The following PNPLA7 variants were observed in gnomAD, a reference collection of about 807,000 sequenced individuals.
PNPLA7 encodes the protein patatin like domain 7, lysophospholipase.
In PNPLA7, 153 loss-of-function variants were observed where a neutral mutation model predicts 161.7. The observed-to-expected ratio is 0.95, with a 90% CI of 0.83 to 1.08. PNPLA7 has a LOEUF of 1.08. Among genes scored for constraint, PNPLA7 ranks in the 50% least tolerant of loss-of-function variants. The pLI, the probability that PNPLA7 is intolerant of heterozygous loss-of-function variation, is 0.00. For missense variants in PNPLA7, 1,739 were observed against 1,856.6 expected (o/e 0.94, Z 1.16); for synonymous variants, 809 against 782.1 (o/e 1.03, Z -0.57).
Position 137,537,004 on chromosome 9 carries a change from CAACA to C in PNPLA7, c.747+3634_747+3637del, listed in dbSNP as rs1835932205. On this transcript the variant is annotated intron_variant, in intron 8 of 34. Transcript: ENST00000406427. This position sits in a 1 kb window ranked among gnomAD's most constrained non-coding sequence, Gnocchi z 4.5. ...CCACCGAGCCACACTTCATCTCCCA[CAACA>C]GGAAGCATGGGGGCCATCCACCGAG... 2.7e-5 allele frequency among the ~76,000 whole-genome samples: 4 copies of C among 149,990 alleles called. No homozygotes were observed. The highest frequency in any genetic ancestry group is 3.9e-4 in the East Asian group (2 of 5,102).
Position 137,495,038 on chromosome 9 carries a change from G to T in PNPLA7, c.2122C>A (p.Pro708Thr), listed in dbSNP as rs757355201. The T allele has an allele frequency of 9.3e-6, 15 of 1,608,650 alleles. No homozygotes were observed. Among genetic ancestry groups the T allele is most frequent in the Non-Finnish European group, 1.2e-5 (14 of 1,178,062 alleles). The change falls in exon 19 of 35, where the codon CCA becomes ACA. Residue 708 changes from proline (P) to threonine (T), a missense_variant. By Grantham distance (38) the Pro-to-Thr change is conservative. Coordinates refer to ENST00000406427, the MANE Select transcript of PNPLA7 (RefSeq NM_001098537.3). ...CTCACCCACGCCATGCTCACCTGTG[G>T]GTACCTGCGCTTGATGGACGTGAGG... ...GALTSIKRRY[P>T]QVVTRLIHLL...
At chr9:137,497,117 A>C in intron 18 of PNPLA7, 70 bp downstream of exon 18, 2 of 1,384,718 alleles carry the variant, frequency 1.4e-6, no homozygotes, top group Middle Eastern at 2.7e-4. Context: ...GGCCACACCC[A>C]GGCCAGAACC....
At chr9:137,482,558 C>T (rs1033788536) in intron 21 of PNPLA7, among the ~76,000 whole-genome samples, 3 of 152,256 alleles carry the variant, frequency 2.0e-5, no homozygotes, top group African/African-American at 7.2e-5. Flanking sequence ...AGATCCAGGG[C>T]TGCCGGCAAG....
chr9:137,477,964 C>T lies in PNPLA7; in HGVS notation c.2882+70G>A. The T allele has an allele frequency of 7.4e-6, 9 of 1,215,178 alleles. 1 individual carries two copies. The South Asian group carries it at 2.9e-4, about 39-fold the overall frequency. The allele number at this position is 1,215,178 out of a possible 1,614,324, so 75.3% of individuals were successfully genotyped here. On this transcript the variant is annotated intron_variant, in intron 25 of 34. Coordinates refer to ENST00000406427, the MANE Select transcript of PNPLA7 (RefSeq NM_001098537.3). ...CCCCTGTCCCCCGCACCCAGCACCT[C>T]CTAGCACCCGAGGGGGCGACTGTCA...
intron 10 of PNPLA7, among the ~76,000 whole-genome samples, chr9:137,521,169 C>A (rs371900065): frequency 4.6e-5 from 7 of 152,308 alleles, no homozygotes; most frequent in African/African-American, 1.7e-4. Context: ...CTGGACAGGG[C>A]TGTCAGCTCA....
chr9:137,460,501 G>A lies in PNPLA7; in HGVS notation c.3946-25C>T. On this transcript the variant is annotated intron_variant, in intron 34 of 34. Transcript: ENST00000406427. The stretch of plus-strand genomic sequence containing the variant: ...CCTGCAAGCAGACCGCATGTTCCAG[G>A]TGAGGACCAGGCAGGGCAGGGGCTC... The A allele has an allele frequency of 1.9e-6, 3 of 1,611,314 alleles. No individual in the cohort carries two copies. In the South Asian group the frequency reaches 3.3e-5, roughly 18 times the overall value.
At chr9:137,461,155 G>C (rs1386407690) in intron 33 of PNPLA7, 1 of 330,742 alleles carries the variant, frequency 3.0e-6, no homozygotes, top group Non-Finnish European at 5.7e-6. Context: ...CCCAAGCGCA[G>C]GGCCCTGGAT....
rs574912590 is a variant in PNPLA7, at chr9:137,519,859, G to A, written c.1084+58C>T. The A allele has an allele frequency of 5.7e-6, 9 of 1,567,320 alleles. No homozygotes were observed. The South Asian group carries it at 9.4e-5, about 16-fold the overall frequency. ...GACCTGGGGTGACCTGAGGCAGTGG[G>A]AGCAGGATCCCCCGGACTCTGGGGC... On this transcript the variant is annotated intron_variant, in intron 11 of 34. Coordinates refer to ENST00000406427, the MANE Select transcript of PNPLA7 (RefSeq NM_001098537.3).
At position 137,546,824 on chromosome 9, in the gene PNPLA7, A is replaced by G. The variant is rs377418962; in HGVS notation, c.273+6T>C. The G allele has an allele frequency of 2.5e-5, 40 of 1,613,608 alleles. No individual in the cohort carries two copies. Among genetic ancestry groups the G allele is most frequent in the Non-Finnish European group, 3.1e-5 (36 of 1,179,976 alleles). On this transcript the variant is annotated splice_donor_region_variant and intron_variant, in intron 4 of 34. Transcript: ENST00000406427. The stretch of plus-strand genomic sequence containing the variant: ...TGTGCAGCCTGGGGCCCCGAGCAAC[A>G]GCTACCTTCCTCATGATCTTCCGGC...
In PNPLA7 at chr9:137,547,563, C is replaced by T; in HGVS notation, c.105+22G>A. ...GCCACGGCCCATCCAGGTCTGGCTC[C>T]AGGGAAGCGTGAGGTGATTACCATG... On this transcript the variant is annotated intron_variant, in intron 2 of 34. Coordinates refer to ENST00000406427, the MANE Select transcript of PNPLA7 (RefSeq NM_001098537.3). This position sits in a 1 kb window ranked among gnomAD's most constrained non-coding sequence, Gnocchi z 4.6. 6.2e-7 allele frequency: 1 copy of T among 1,612,960 alleles called. No homozygotes were observed. The highest frequency in any genetic ancestry group is 8.5e-7 in the Non-Finnish European group (1 of 1,179,624).
chr9:137,498,053 T>G, intron 17 of PNPLA7, 61 bp downstream of exon 17: 1 of 1,578,596 alleles, frequency 6.3e-7, no homozygotes, highest in Non-Finnish European at 8.6e-7. Context: ...GCTTTGCCCA[T>G]CCCCAGCTCC....
In PNPLA7 at chr9:137,541,172, G is replaced by A. The variant is rs941709324; in HGVS notation, c.667-450C>T. On this transcript the variant is annotated intron_variant, in intron 7 of 34. Coordinates refer to ENST00000406427, the MANE Select transcript of PNPLA7 (RefSeq NM_001098537.3). This position sits in a 1 kb window ranked among gnomAD's most constrained non-coding sequence, Gnocchi z 4.4. ...AAGCACTTCATCTCAGCTTGACCCA[G>A]GAAAATTCTTTATGAAGTTGCCCAA... 1.3e-5 allele frequency among the ~76,000 whole-genome samples: 2 copies of A among 152,202 alleles called. No individual in the cohort carries two copies. The highest frequency in any genetic ancestry group is 2.9e-5 in the Non-Finnish European group (2 of 68,040).
intron 12 of PNPLA7, among the ~76,000 whole-genome samples, chr9:137,508,306 G>A (rs1009190634): frequency 4.6e-5 from 7 of 152,198 alleles, no homozygotes; most frequent in South Asian, 2.1e-4. Flanking sequence ...GGCAGCTCAC[G>A]CCTGGAATCC....
At chr9:137,478,836 T>G in intron 24 of PNPLA7, 1 of 605,804 alleles carries the variant, frequency 1.7e-6, no homozygotes, top group Non-Finnish European at 2.6e-6. Context: ...ATGGCCGCCC[T>G]GTGCCTGCCC....
intron 25 of PNPLA7, among the ~76,000 whole-genome samples, chr9:137,473,315 A>G (rs1018845130): frequency 2.0e-5 from 3 of 152,160 alleles, no homozygotes; most frequent in African/African-American, 7.2e-5. Flanking sequence ...CACACCAGTC[A>G]TGAAAATCAA....
chr9:137,465,510 G>A (rs1277311273), intron 26 of PNPLA7, among the ~76,000 whole-genome samples: 1 of 152,220 alleles, frequency 6.6e-6, no homozygotes, highest in African/African-American at 2.4e-5. Flanking sequence ...CCCATGGCGG[G>A]TTCTGTCCCG....
chr9:137,522,308 T>C (rs973577978), intron 9 of PNPLA7, among the ~76,000 whole-genome samples: 1 of 151,646 alleles, frequency 6.6e-6, no homozygotes, highest in African/African-American at 2.4e-5. Context: ...TCTCCTGACC[T>C]CGTGATCCGC....
Position 137,522,798 on chromosome 9 carries a change from G to A in PNPLA7, c.807C>T (p.Leu269=). The A allele has an allele frequency of 6.2e-7, 1 of 1,613,892 alleles. No individual in the cohort carries two copies. Among genetic ancestry groups the A allele is most frequent in the Non-Finnish European group, 8.5e-7 (1 of 1,179,998 alleles). Residue 269 remains leucine, a synonymous_variant, in exon 9 of 35, where the codon CTC becomes CTT. Coordinates refer to ENST00000406427, the MANE Select transcript of PNPLA7 (RefSeq NM_001098537.3). ...SVRAAIPSTI[L]RLPAAAFHGV... ...CATGAAAAGCCGCAGCTGGAAGCCG[G>A]AGGATGGTGGACGGGATGGCCGCGC... is the stretch of plus-strand genomic sequence containing the variant.
Position 137,522,745 on chromosome 9 carries a change from A to G in PNPLA7, c.860T>C (p.Leu287Pro). 3 of 1,613,622 alleles carry G rather than the reference A, an allele frequency of 1.9e-6. No homozygotes were observed. The highest frequency in any genetic ancestry group is 1.7e-5 in the Admixed American group (1 of 60,024). ...HGVFEKYPET[L>P]VRVVQIIMVR... ...GTGACTCACCTGCACCACCCTCACC[A>G]GAGTTTCCGGATATTTCTCAAAAAC... The change falls in exon 9 of 35, where the codon CTG becomes CCG. Residue 287 changes from leucine (L) to proline (P), a missense_variant. Transcript: ENST00000406427.
Sources: allele counts gnomAD v4.1 joint callset (sites outside exome capture counted in the v4.1 genomes callset), GRCh38; gene constraint gnomAD v4.1.1; non-coding constraint Gnocchi (gnomAD v3.1); transcripts MANE v1.5; gene names NCBI Gene and HGNC (gene_info 2026-07-23, HGNC 2026-07-21).